Variants in NALF1 observed in about 807,000 individuals in gnomAD.
NALF1 encodes family with sequence similarity 155 member A.
A neutral mutation model predicts 48.4 loss-of-function variants in NALF1; 3 were observed. That is an observed-to-expected ratio of 0.06 (90% CI 0.03 to 0.16). NALF1 has a LOEUF of 0.16. NALF1 is among the 10% of genes least tolerant of loss of function. The pLI, the probability that NALF1 is intolerant of heterozygous loss-of-function variation, is 1.00. For synonymous variants in NALF1, 262 were observed against 245.7 expected, an observed-to-expected ratio of 1.07 and a Z score of -0.62; for missense variants, 526 against 571.5, an observed-to-expected ratio of 0.92 and a Z score of 0.81.
chr13:107,324,574 A>C (rs1882315767), intron 1 of NALF1, among the ~76,000 whole-genome samples: 1 of 152,148 alleles, frequency 6.6e-6, no homozygotes, highest in Non-Finnish European at 1.5e-5. Flanking sequence ...TCTGCTAGAT[A>C]ATATCATTGC....
At chr13:107,735,520 G>A (rs569712634) in intron 1 of NALF1, among the ~76,000 whole-genome samples, 28 of 152,212 alleles carry the variant, frequency 1.8e-4, no homozygotes, top group Non-Finnish European at 3.2e-4. Context: ...CCCCATCTGC[G>A]CACACATATG....
chr13:107,512,917 C>T (rs1194875620), intron 1 of NALF1, among the ~76,000 whole-genome samples: 1 of 152,102 alleles, frequency 6.6e-6, no homozygotes, highest in Non-Finnish European at 1.5e-5. Context: ...TCGAGTTCCG[C>T]CTCTTACCTC....
chr13:107,331,943 G>C (rs1882476654), intron 1 of NALF1, among the ~76,000 whole-genome samples: 1 of 152,086 alleles, frequency 6.6e-6, no homozygotes, highest in African/African-American at 2.4e-5. Context: ...GAAAAACCAA[G>C]AGCAAAATTC....
intron 1 of NALF1, among the ~76,000 whole-genome samples, chr13:107,365,520 A>T (rs1394399758): frequency 6.6e-6 from 1 of 152,190 alleles, no homozygotes; most frequent in African/African-American, 2.4e-5. Context: ...AACGTGCAGA[A>T]GCAGAAAAGA....
chr13:107,288,466 C>T (rs554885702), intron 1 of NALF1, among the ~76,000 whole-genome samples: 52 of 151,404 alleles, frequency 3.4e-4, no homozygotes, highest in Admixed American at 1.7e-3. Flanking sequence ...GTGATTCACC[C>T]GCCTCAACCT....
intron 2 of NALF1, 135 bp from the exon 3 acceptor site, chr13:107,170,921 T>C (rs1878789512): frequency 6.7e-6 from 5 of 749,748 alleles, no homozygotes; most frequent in Non-Finnish European, 8.6e-6. Flanking sequence ...GAAAATCAAG[T>C]CAATGCAATT....
Position 107,560,784 on chromosome 13 carries a change from T to A in NALF1, c.915+304898A>T, listed in dbSNP as rs534294250. ...TATATTTTAACATCTTTATATTTGT[T>A]AAGGCACAGAAACCAACCTTCTTAA... On this transcript the variant is annotated intron_variant, in intron 1 of 2. Coordinates refer to ENST00000375915, the MANE Select transcript of NALF1 (RefSeq NM_001080396.3). Among the ~76,000 whole-genome samples, 126 of 152,322 alleles carry A rather than the reference T, an allele frequency of 8.3e-4. 1 individual carries two copies. Among genetic ancestry groups the A allele is most frequent in the African/African-American group, 3.0e-3 (123 of 41,562 alleles).
intron 1 of NALF1, among the ~76,000 whole-genome samples, chr13:107,669,109 T>A (rs1251917508): frequency 1.3e-5 from 2 of 152,074 alleles, no homozygotes; most frequent in African/African-American, 4.8e-5. Flanking sequence ...ATAATCAACA[T>A]TTTGCTGATA....
chr13:107,846,970 A>C (rs1470328336), intron 1 of NALF1, among the ~76,000 whole-genome samples: 1 of 152,200 alleles, frequency 6.6e-6, no homozygotes, highest in Non-Finnish European at 1.5e-5. Flanking sequence ...TCCAAAATAC[A>C]TTTTTAGGAA....
At chr13:107,492,396 G>A (rs1296131371) in intron 1 of NALF1, among the ~76,000 whole-genome samples, 1 of 152,094 alleles carries the variant, frequency 6.6e-6, no homozygotes. Context: ...AATGGCTCCA[G>A]AAATGGTACC....
At chr13:107,694,797 CT>C (rs113861895) in intron 1 of NALF1, among the ~76,000 whole-genome samples, 1,626 of 143,996 alleles carry the variant, frequency 0.011, 21 homozygotes, top group African/African-American at 0.033. Flanking sequence ...GAAGTCAGTT[CT>C]TTTTTTTTTT....
intron 1 of NALF1, among the ~76,000 whole-genome samples, chr13:107,269,911 T>C (rs2138861809): frequency 7.6e-6 from 1 of 131,304 alleles, no homozygotes; most frequent in East Asian, 2.4e-4. Flanking sequence ...CACGCCCGGC[T>C]AATTTTTTTT....
rs566158374 is a variant in NALF1 at position 107,500,595 on chromosome 13, C to T, written c.916-289840G>A. ...GAAATACCATTTGACCCAGCCATCC[C>T]ATTACTGGGTATATACCCAAAGGAC... On this transcript the variant is annotated intron_variant, in intron 1 of 2. Transcript: ENST00000375915. Among the ~76,000 whole-genome samples, 243 of 150,888 alleles carry T rather than the reference C, an allele frequency of 1.6e-3. 1 individual carries two copies. Among genetic ancestry groups the T allele is most frequent in the African/African-American group, 5.9e-3 (239 of 40,848 alleles).
intron 1 of NALF1, among the ~76,000 whole-genome samples, chr13:107,548,944 A>T (rs563697873): frequency 6.6e-6 from 1 of 152,302 alleles, no homozygotes; most frequent in South Asian, 2.1e-4. Context: ...TGTAATTGTG[A>T]AAAGTGCATC....
chr13:107,779,778 CTTCTAAAACCTCAG>C (rs1276587219), intron 1 of NALF1, among the ~76,000 whole-genome samples: 1 of 152,306 alleles, frequency 6.6e-6, no homozygotes, highest in African/African-American at 2.4e-5. Context: ...TCTCCACCTT[CTTCTAAAACCTCAG>C]TTCTAAAACC....
At chr13:107,808,509 G>C (rs1389093100) in intron 1 of NALF1, among the ~76,000 whole-genome samples, 1 of 151,894 alleles carries the variant, frequency 6.6e-6, no homozygotes, top group African/African-American at 2.4e-5. Context: ...AACTTCAATA[G>C]CTCTTCTTGC....
At chr13:107,499,792 G>A (rs901710936) in intron 1 of NALF1, among the ~76,000 whole-genome samples, 3 of 151,854 alleles carry the variant, frequency 2.0e-5, no homozygotes, top group Middle Eastern at 3.4e-3. Context: ...TTATGAGTAC[G>A]TATTGTCTCT....
intron 1 of NALF1, among the ~76,000 whole-genome samples, chr13:107,345,594 G>T (rs1323550318): frequency 6.6e-6 from 1 of 152,114 alleles, no homozygotes; most frequent in Non-Finnish European, 1.5e-5. Flanking sequence ...GGGAAAACTG[G>T]ATGATCAAGA....
chr13:107,406,370 T>G (rs958087316), intron 1 of NALF1, among the ~76,000 whole-genome samples: 1 of 151,938 alleles, frequency 6.6e-6, no homozygotes, highest in African/African-American at 2.4e-5. Context: ...GAAACACCAA[T>G]AGTGAGCAAC....
Sources: allele counts gnomAD v4.1 joint callset (sites outside exome capture counted in the v4.1 genomes callset), GRCh38; gene constraint gnomAD v4.1.1; transcripts MANE v1.5; gene names NCBI Gene and HGNC (gene_info 2026-07-23, HGNC 2026-07-21).